The following PRKACA variants were observed in gnomAD, a reference collection of about 807,000 sequenced individuals.
PRKACA encodes the protein protein kinase cAMP-activated catalytic subunit alpha, also known as cAMP-dependent protein kinase catalytic subunit alpha.
Under a neutral mutation model 45.8 loss-of-function variants are expected in PRKACA, and 9 were observed. That is an observed-to-expected ratio of 0.20 (90% CI 0.12 to 0.34). The LOEUF is 0.34. Among genes scored for constraint, PRKACA ranks in the 10% least tolerant of loss-of-function variants. PRKACA has a pLI of 1.00. For missense variants in PRKACA, 238 were observed against 458.6 expected (o/e 0.52, Z 4.39); for synonymous variants, 160 against 178.6 (o/e 0.90, Z 0.83).
At chr19:14,095,081 A>T (rs1414212636) in intron 8 of PRKACA, among the ~76,000 whole-genome samples, 2 of 152,180 alleles carry the variant, frequency 1.3e-5, no homozygotes, top group Non-Finnish European at 2.9e-5. Context: ...AAAATGCTAC[A>T]AAGAAGGGAG....
intron 4 of PRKACA, 60 bp from the exon 5 acceptor site, chr19:14,100,968 C>A (rs1977425894): frequency 1.4e-6 from 2 of 1,438,018 alleles, no homozygotes; most frequent in African/African-American, 2.8e-5. Flanking sequence ...GATCTGAAGG[C>A]CTTGGGGGCC....
chr19:14,110,828 A>G (rs1966944718), intron 1 of PRKACA, among the ~76,000 whole-genome samples: 1 of 152,108 alleles, frequency 6.6e-6, no homozygotes, highest in Non-Finnish European at 1.5e-5. Context: ...GCCTGCCCCC[A>G]CATCCCATGA....
intron 4 of PRKACA, among the ~76,000 whole-genome samples, chr19:14,102,105 A>T (rs1218084707): frequency 1.3e-5 from 2 of 152,042 alleles, no homozygotes; most frequent in Non-Finnish European, 2.9e-5. Context: ...CAGAGGTTGT[A>T]GTGAGCCAAG....
intron 3 of PRKACA, among the ~76,000 whole-genome samples, chr19:14,104,391 C>T (rs1212840371): frequency 7.0e-6 from 1 of 143,130 alleles, no homozygotes; most frequent in Non-Finnish European, 1.5e-5. Flanking sequence ...GAAACCCTGT[C>T]TCTACTAAAA....
At chr19:14,109,239 T>C (rs932689010) in intron 1 of PRKACA, among the ~76,000 whole-genome samples, 1 of 150,950 alleles carries the variant, frequency 6.6e-6, no homozygotes, top group Non-Finnish European at 1.5e-5. Context: ...TCCCAGCACT[T>C]TGGGAGGCCA....
intron 1 of PRKACA, 152 bp downstream of exon 1, chr19:14,117,350 C>A (rs1287882847): frequency 2.0e-6 from 2 of 983,062 alleles, no homozygotes; most frequent in Non-Finnish European, 2.5e-6. Context: ...TGCGGGCCCG[C>A]GGGCCCCAGC....
intron 5 of PRKACA, 63 bp downstream of exon 5, chr19:14,100,763 G>C: frequency 6.6e-7 from 1 of 1,511,520 alleles, no homozygotes. Flanking sequence ...CAGGGGGCTT[G>C]GTCGTGCACT....
chr19:14,100,174 A>G (rs949074417), intron 5 of PRKACA, among the ~76,000 whole-genome samples: 5 of 151,540 alleles, frequency 3.3e-5, no homozygotes, highest in African/African-American at 1.2e-4. Flanking sequence ...ACAAAACCTC[A>G]CTATGCAGCC....
At chr19:14,111,459 CA>C (rs1413145803) in intron 1 of PRKACA, among the ~76,000 whole-genome samples, 2 of 152,008 alleles carry the variant, frequency 1.3e-5, no homozygotes, top group Non-Finnish European at 2.9e-5. Context: ...AAGAAGGCCC[CA>C]CAATAAATGA....
intron 8 of PRKACA, among the ~76,000 whole-genome samples, chr19:14,095,487 T>C (rs1568528605): frequency 6.6e-6 from 1 of 151,256 alleles, no homozygotes; most frequent in East Asian, 2.0e-4. Context: ...GCCATTTTCT[T>C]GGCAGTTTCT....
In PRKACA at chr19:14,116,824, C is replaced by A. The variant is rs41301238; in HGVS notation, c.46+678G>T. On this transcript the variant is annotated intron_variant, in intron 1 of 9. Transcript: ENST00000308677. ...CTTGGAGGACGGAGCACAAGCAGAGCAGCAGAATGACAGAGTGACAGGATG... is the reference window on the plus strand; with the variant it reads ...CTTGGAGGACGGAGCACAAGCAGAGAAGCAGAATGACAGAGTGACAGGATG... Among the ~76,000 whole-genome samples the A allele has an allele frequency of 7.4e-3, 1,126 of 152,060 alleles. 18 individuals are homozygous for A. Among genetic ancestry groups the A allele is most frequent in the African/African-American group, 0.026 (1,072 of 41,442 alleles).
chr19:14,107,543 C>G, intron 1 of PRKACA, 134 bp from the exon 2 acceptor site: 7 of 1,318,530 alleles, frequency 5.3e-6, no homozygotes, highest in Non-Finnish European at 7.3e-6. Flanking sequence ...TCTGGTGCCT[C>G]TGGGGCCTTG....
intron 1 of PRKACA, among the ~76,000 whole-genome samples, chr19:14,109,965 AATAT>A (rs1188333013): frequency 0.026 from 616 of 23,700 alleles, 21 homozygotes; most frequent in East Asian, 0.033. Flanking sequence ...AAAAAAAAAA[AATAT>A]ATATATATAT....
intron 1 of PRKACA, among the ~76,000 whole-genome samples, chr19:14,115,336 TTTAAA>T (rs1294285455): frequency 3.3e-5 from 5 of 152,194 alleles, no homozygotes; most frequent in Non-Finnish European, 7.3e-5. Context: ...CTTTTATTAT[TTTAAA>T]TTAAGAAAAT....
intron 3 of PRKACA, among the ~76,000 whole-genome samples, chr19:14,104,259 C>T (rs1326770553): frequency 1.3e-5 from 2 of 149,338 alleles, no homozygotes; most frequent in Non-Finnish European, 1.5e-5. Context: ...ATGGCATGAA[C>T]CCGGGAGGTG....
chr19:14,093,329 T>A, intron 9 of PRKACA, 92 bp from the exon 10 acceptor site: 1 of 1,500,500 alleles, frequency 6.7e-7, no homozygotes, highest in East Asian at 2.3e-5. Flanking sequence ...TCAAGAGATA[T>A]TTACTCTGAC....
chr19:14,094,101 C>T (rs567190170), intron 8 of PRKACA, among the ~76,000 whole-genome samples: 38 of 149,546 alleles, frequency 2.5e-4, no homozygotes, highest in African/African-American at 8.4e-4. Flanking sequence ...TAGGCTCAAG[C>T]GATCCTCCTG....
rs1218677839 is a variant in PRKACA, at chr19:14,097,274, A to G, written c.765+87T>C. The G allele has an allele frequency of 1.3e-6, 2 of 1,595,646 alleles. No individual in the cohort carries two copies. The highest frequency in any genetic ancestry group is 2.7e-5 in the African/African-American group (2 of 74,420). On this transcript the variant is annotated intron_variant, in intron 8 of 9. Transcript: ENST00000308677. This position sits in a 1 kb window ranked among gnomAD's most constrained non-coding sequence, Gnocchi z 5.4. ...TAAGGAACTTCTAGATTATTCTGAC[A>G]ACAAGCAGGGCTCCCCAGGGAATAG...
intron 1 of PRKACA, chr19:14,115,160 C>T (rs894853240): frequency 1.0e-6 from 1 of 959,770 alleles, no homozygotes; most frequent in Non-Finnish European, 1.2e-6. Flanking sequence ...GTGACATAGT[C>T]CCATTGGCAG....
Sources: gnomAD v4.1 joint callset for allele counts (sites outside exome capture counted in the v4.1 genomes callset) on GRCh38, gnomAD v4.1.1 for gene constraint, Gnocchi (gnomAD v3.1) non-coding constraint, MANE v1.5 for transcripts, NCBI Gene and HGNC (gene_info 2026-07-23, HGNC 2026-07-21) for gene names.